Variants in SIPA1L1 observed in about 807,000 individuals in gnomAD.
SIPA1L1 encodes the protein signal induced proliferation associated 1 like 1.
Under a neutral mutation model 162.7 loss-of-function variants are expected in SIPA1L1, and 26 were observed. The ratio of observed to expected loss-of-function variants is 0.16; its 90% CI spans 0.12 to 0.22. The LOEUF is 0.22. SIPA1L1 is among the 10% of genes least tolerant of loss of function. The probability of loss-of-function intolerance (pLI) is 1.00; values close to 1 mark genes in which losing one functional copy is unlikely to be tolerated. For missense variants in SIPA1L1, 1,874 were observed against 2,241.0 expected (o/e 0.84, Z 3.31); for synonymous variants, 829 against 837.4 (o/e 0.99, Z 0.17).
chr14:71,637,589 C>A (rs2148858970), intron 7 of SIPA1L1, among the ~76,000 whole-genome samples: 1 of 151,970 alleles, frequency 6.6e-6, no homozygotes, highest in Admixed American at 6.6e-5. Context: ...AAAAAAGTAT[C>A]CAGGCTTGGT....
intron 12 of SIPA1L1, among the ~76,000 whole-genome samples, chr14:71,676,407 A>G (rs1053822999): frequency 1.3e-5 from 2 of 151,982 alleles, no homozygotes; most frequent in African/African-American, 4.8e-5. Context: ...TTTTAAGAGA[A>G]GAAAGGACAG....
At chr14:71,659,044 G>A (rs137970097) in intron 9 of SIPA1L1, among the ~76,000 whole-genome samples, 209 of 152,316 alleles carry the variant, frequency 1.4e-3, no homozygotes, top group Non-Finnish European at 2.5e-3. Flanking sequence ...AAACTAAGAG[G>A]TGACAGATTG....
intron 2 of SIPA1L1, among the ~76,000 whole-genome samples, chr14:71,500,898 C>T (rs1229697437): frequency 2.0e-5 from 3 of 152,166 alleles, no homozygotes; most frequent in African/African-American, 7.2e-5. Flanking sequence ...CTCAGCTACT[C>T]AGGAGGCTGA....
intron 4 of SIPA1L1, among the ~76,000 whole-genome samples, chr14:71,540,818 A>ACG (rs1360882194): frequency 6.6e-6 from 1 of 151,960 alleles, no homozygotes; most frequent in East Asian, 2.0e-4. Context: ...CCAAGCTGTA[A>ACG]CGCATTAATC....
intron 13 of SIPA1L1, among the ~76,000 whole-genome samples, chr14:71,686,709 A>G (rs2080892370): frequency 6.6e-6 from 1 of 152,118 alleles, no homozygotes; most frequent in Non-Finnish European, 1.5e-5. Context: ...CGCCTGGCCT[A>G]GAAGTCAACT....
intron 13 of SIPA1L1, among the ~76,000 whole-genome samples, chr14:71,694,182 G>A (rs2081450495): frequency 6.6e-6 from 1 of 152,080 alleles, no homozygotes; most frequent in South Asian, 2.1e-4. Context: ...GTTGATTCAT[G>A]GAATAGGTGT....
intron 2 of SIPA1L1, among the ~76,000 whole-genome samples, chr14:71,325,067 T>C (rs2033632792): frequency 6.6e-6 from 1 of 152,142 alleles, no homozygotes. Context: ...GAGATAAGCA[T>C]TGTGGTATTC....
intron 3 of SIPA1L1, among the ~76,000 whole-genome samples, chr14:71,516,395 C>CT (rs1310185654): frequency 6.6e-6 from 1 of 151,974 alleles, no homozygotes; most frequent in African/African-American, 2.4e-5. Flanking sequence ...TTTTATTAAC[C>CT]TTTTTTTCTG....
At chr14:71,368,142 C>CTTTTT (rs755238643) in intron 2 of SIPA1L1, among the ~76,000 whole-genome samples, 13 of 115,176 alleles carry the variant, frequency 1.1e-4, no homozygotes, top group Non-Finnish European at 1.3e-4. Flanking sequence ...TTGTGGTATT[C>CTTTTT]TTTTTTTTTT....
At chr14:71,414,913 A>G (rs1343162833) in intron 2 of SIPA1L1, among the ~76,000 whole-genome samples, 1 of 152,340 alleles carries the variant, frequency 6.6e-6, no homozygotes, top group East Asian at 1.9e-4. Context: ...TTATTGAGAA[A>G]AACAACAGCT....
In SIPA1L1 at chr14:71,702,571, ATGT is replaced by A. The variant is rs3216981; in HGVS notation, c.3646+68_3646+70del. On this transcript the variant is annotated intron_variant, in intron 15 of 23. Transcript: ENST00000381232. ...AGGTGACTTAGGTCACCTCTTGATG[ATGT>A]TATCAAAACATTGTTATAAAAGGTA... The A allele has an allele frequency of 3.1e-3, 4,296 of 1,403,004 alleles. 122 individuals carry two copies. In the East Asian group the frequency reaches 0.074, roughly 24 times the overall value. The allele number at this position is 1,403,004 out of a possible 1,614,324, so 86.9% of individuals were successfully genotyped here. A position where few individuals can be genotyped will look rare whatever the true frequency, so the allele number is the denominator to read the frequency against.
chr14:71,646,823 C>A (rs1314225741), intron 7 of SIPA1L1, among the ~76,000 whole-genome samples: 2 of 152,166 alleles, frequency 1.3e-5, no homozygotes, highest in African/African-American at 4.8e-5. Flanking sequence ...CATCATAACT[C>A]TATTTTGATC....
At chr14:71,693,660 C>A (rs2081408300) in intron 13 of SIPA1L1, among the ~76,000 whole-genome samples, 1 of 152,054 alleles carries the variant, frequency 6.6e-6, no homozygotes, top group Non-Finnish European at 1.5e-5. Flanking sequence ...TCAAACTACT[C>A]CGGTTATAGC....
At chr14:71,597,146 A>T (rs1430844429) in intron 5 of SIPA1L1, among the ~76,000 whole-genome samples, 1 of 150,522 alleles carries the variant, frequency 6.6e-6, no homozygotes, top group Non-Finnish European at 1.5e-5. Flanking sequence ...ATTTTTTTAG[A>T]TTTTTTTTGT....
At chr14:71,559,427 A>G (rs768203281) in intron 4 of SIPA1L1, among the ~76,000 whole-genome samples, 1 of 152,186 alleles carries the variant, frequency 6.6e-6, no homozygotes, top group Non-Finnish European at 1.5e-5. Flanking sequence ...TTTTCTTAAT[A>G]ATAGGTACTT....
intron 7 of SIPA1L1, among the ~76,000 whole-genome samples, chr14:71,634,208 C>T (rs993466753): frequency 6.6e-6 from 1 of 151,720 alleles, no homozygotes; most frequent in South Asian, 2.1e-4. Flanking sequence ...TGAGACCAGA[C>T]TGCCCAACAT....
chr14:71,416,810 C>T (rs2042805031), intron 2 of SIPA1L1, among the ~76,000 whole-genome samples: 1 of 151,602 alleles, frequency 6.6e-6, no homozygotes, highest in South Asian at 2.1e-4. Flanking sequence ...TTATTAAATC[C>T]ATCATTCTTT....
chr14:71,666,656 C>T (rs947879621), intron 10 of SIPA1L1, among the ~76,000 whole-genome samples: 1 of 152,000 alleles, frequency 6.6e-6, no homozygotes, highest in African/African-American at 2.4e-5. Context: ...GAGAGGTTTC[C>T]ATACCCGGTA....
intron 12 of SIPA1L1, 41 bp from the exon 13 acceptor site, chr14:71,685,321 C>G: frequency 6.2e-7 from 1 of 1,600,908 alleles, no homozygotes; most frequent in Non-Finnish European, 8.5e-7. Flanking sequence ...CAAGAAAAAG[C>G]AGTATCCATT....
Sources: allele counts gnomAD v4.1 joint callset (sites outside exome capture counted in the v4.1 genomes callset), GRCh38; gene constraint gnomAD v4.1.1; transcripts MANE v1.5; gene names NCBI Gene and HGNC (gene_info 2026-07-23, HGNC 2026-07-21).